ZNF865: variants seen among roughly 807,000 people sequenced by gnomAD.
The protein encoded by ZNF865 is zinc finger protein 865.
For synonymous variants in ZNF865, 763 were observed against 750.8 expected (o/e 1.02, Z -0.27); for missense variants, 1,311 against 1,593.4 (o/e 0.82, Z 3.02).
intron 1 of ZNF865, among the ~76,000 whole-genome samples, chr19:55,609,732 C>A (rs1234082835): frequency 6.6e-6 from 1 of 152,154 alleles, no homozygotes; most frequent in Non-Finnish European, 1.5e-5. Flanking sequence ...TCAAACTGGT[C>A]AAACAATAAA....
In ZNF865 at chr19:55,615,810, C is replaced by A; in HGVS notation, c.2192C>A (p.Pro731His). 6.6e-7 allele frequency: 1 copy of A among 1,510,150 alleles called. No individual in the cohort carries two copies. Among genetic ancestry groups the A allele is most frequent in the South Asian group, 1.2e-5 (1 of 81,188 alleles). The allele number at this position is 1,510,150 out of a possible 1,614,324, so 93.5% of individuals were successfully genotyped here. A position where few individuals can be genotyped will look rare whatever the true frequency, so the allele number is the denominator to read the frequency against. ...CCCGAGCGCCTGCTCCCGCCCGCAC[C>A]CGGCGGCCTGCAGCCCCCGGACGGC... ...AAPERLLPPA[P>H]GGLQPPDGSS... Residue 731 changes from proline (P) to histidine (H), a missense_variant, in exon 2 of 2, where the codon CCC (proline) becomes CAC (histidine). Physicochemically the swap from Pro to His is moderately conservative, Grantham distance 77 (BLOSUM62 -2). Coordinates refer to ENST00000568956, the MANE Select transcript of ZNF865 (RefSeq NM_001195605.2).
intron 1 of ZNF865, among the ~76,000 whole-genome samples, chr19:55,608,972 C>T (rs1039223319): frequency 2.0e-5 from 3 of 152,140 alleles, no homozygotes; most frequent in Non-Finnish European, 4.4e-5. Flanking sequence ...AGCCTTGCTG[C>T]CTTTCTTCAA....
chr19:55,616,427 T>C lies in ZNF865; in HGVS notation c.2809T>C (p.Cys937Arg). 1 of 1,515,096 alleles carries C rather than the reference T, an allele frequency of 6.6e-7. No individual in the cohort carries two copies. The highest frequency in any genetic ancestry group is 8.8e-7 in the Non-Finnish European group (1 of 1,137,356). 93.9% of individuals were successfully genotyped at this position (1,515,096 alleles called of 1,614,324 possible). A position where few individuals can be genotyped will look rare whatever the true frequency, so the allele number is the denominator to read the frequency against. ...GGCCCGGCCCCAGCGCTGCAGCGCC[T>C]GTGGCAAGACCTTCCGCTACCGCTC... ...AVARPQRCSA[C>R]GKTFRYRSNL... is the part of the protein sequence containing the mutation. Residue 937 changes from cysteine (C) to arginine (R), a missense_variant, in exon 2 of 2, where the codon TGT becomes CGT. Coordinates refer to ENST00000568956, the MANE Select transcript of ZNF865 (RefSeq NM_001195605.2).
chr19:55,605,782 G>T (rs1461450666), intron 1 of ZNF865, 50 bp downstream of exon 1: 3 of 152,228 alleles, frequency 2.0e-5, no homozygotes, highest in Admixed American at 6.5e-5. Flanking sequence ...CGGGGGCGGG[G>T]GGCCCCGCCC....
chr19:55,607,620 T>G (rs1364374523), intron 1 of ZNF865, among the ~76,000 whole-genome samples: 1 of 152,084 alleles, frequency 6.6e-6, no homozygotes, highest in Admixed American at 6.5e-5. Context: ...GATAAAGAGA[T>G]AGACCTGGGG....
In ZNF865 at chr19:55,615,194, C is replaced by T. The variant is rs1206278377; in HGVS notation, c.1576C>T (p.His526Tyr). 16 of 1,411,704 alleles carry T rather than the reference C, an allele frequency of 1.1e-5. No individual in the cohort carries two copies. Among genetic ancestry groups the T allele is most frequent in the East Asian group, 3.0e-5 (1 of 33,544 alleles). The allele number at this position is 1,411,704 out of a possible 1,614,324, so 87.4% of individuals were successfully genotyped here. The change falls in exon 2 of 2, where the codon CAC (histidine) becomes TAC (tyrosine). Residue 526 changes from histidine to tyrosine, a missense_variant. Physicochemically the swap from His to Tyr is moderately conservative, Grantham distance 83. Coordinates refer to ENST00000568956, the MANE Select transcript of ZNF865 (RefSeq NM_001195605.2). ...TGTGCCCGTCCCGCTCCTGGGCGCCCACCCGCTGCTGCTCGGCGGCGCGGG... is the reference window on the plus strand; with the variant it reads ...TGTGCCCGTCCCGCTCCTGGGCGCCTACCCGCTGCTGCTCGGCGGCGCGGG... ...GAVPVPLLGA[H>Y]PLLLGGAGTS...
At position 55,613,611 on chromosome 19, in the gene ZNF865, C is replaced by T. The variant is rs530298924; in HGVS notation, c.-8C>T. On this transcript the variant is annotated 5_prime_UTR_variant, in exon 2 of 2. Transcript: ENST00000568956. ...TTCACAGGGTCTCCCGTCTCCCACC[C>T]GCCGGAGATGGAGGCGAACCCAGCG... 624 of 1,507,360 alleles carry T rather than the reference C, an allele frequency of 4.1e-4. No individual in the cohort carries two copies. The highest frequency in any genetic ancestry group is 5.0e-4 in the Non-Finnish European group (566 of 1,132,694). The allele number at this position is 1,507,360 out of a possible 1,614,324, so 93.4% of individuals were successfully genotyped here. A position where few individuals can be genotyped will look rare whatever the true frequency, so the allele number is the denominator to read the frequency against.
rs1220375983 is a variant in ZNF865 at position 55,611,044 on chromosome 19, C to A, written c.-26-2549C>A. ...ACCTTTGTTCACTCGGGGAACAGCCCAGTGAAACACTGCTGTGGGGGCAAG... is the reference window on the plus strand; with the variant it reads ...ACCTTTGTTCACTCGGGGAACAGCCAAGTGAAACACTGCTGTGGGGGCAAG... On this transcript the variant is annotated intron_variant, in intron 1 of 1. Transcript: ENST00000568956. The surrounding 1 kb of genome is among the most constrained non-coding windows in gnomAD (Gnocchi z 4.5). Among the ~76,000 whole-genome samples the A allele has an allele frequency of 3.3e-5, 5 of 152,184 alleles. No homozygotes were observed. Among genetic ancestry groups the A allele is most frequent in the Admixed American group, 3.3e-4 (5 of 15,280 alleles).
Position 55,615,107 on chromosome 19 carries a change from G to T in ZNF865, c.1489G>T (p.Asp497Tyr). The T allele has an allele frequency of 2.6e-6, 1 of 385,824 alleles. No homozygotes were observed. 23.9% of individuals were successfully genotyped at this position (385,824 alleles called of 1,614,324 possible). A position where few individuals can be genotyped will look rare whatever the true frequency, so the allele number is the denominator to read the frequency against. The change falls in exon 2 of 2, where the codon GAC (aspartate) becomes TAC (tyrosine). Residue 497 changes from aspartate to tyrosine, a missense_variant. Coordinates refer to ENST00000568956, the MANE Select transcript of ZNF865 (RefSeq NM_001195605.2). ...CCCGGGCCCGTACCTCCTGCCCCCC[G>T]ACCCTCCCACCACAGACAGCGAGAA... ...FPPGPYLLPP[D>Y]PPTTDSEKAA...
Position 55,615,827 on chromosome 19 carries a change from C to T in ZNF865, c.2209C>T (p.Pro737Ser). 1.3e-6 allele frequency: 2 copies of T among 1,508,000 alleles called. No homozygotes were observed. The highest frequency in any genetic ancestry group is 2.1e-5 in the Admixed American group (1 of 46,960). The allele number at this position is 1,508,000 out of a possible 1,614,324, so 93.4% of individuals were successfully genotyped here. A position where few individuals can be genotyped will look rare whatever the true frequency, so the allele number is the denominator to read the frequency against. The change falls in exon 2 of 2, where the codon CCG becomes TCG. Residue 737 changes from proline (P) to serine (S), a missense_variant. By Grantham distance (74) the Pro-to-Ser change is moderately conservative (BLOSUM62 -1). Coordinates refer to ENST00000568956, the MANE Select transcript of ZNF865 (RefSeq NM_001195605.2). ...GCCCGCACCCGGCGGCCTGCAGCCCCCGGACGGCTCCAGCGGCACGGATGC... is the reference window on the plus strand; with the variant it reads ...GCCCGCACCCGGCGGCCTGCAGCCCTCGGACGGCTCCAGCGGCACGGATGC... ...LPPAPGGLQP[P>S]DGSSGTDAAS...
At chr19:55,606,690 T>A (rs778432214) in intron 1 of ZNF865, among the ~76,000 whole-genome samples, 2 of 152,272 alleles carry the variant, frequency 1.3e-5, no homozygotes, top group Non-Finnish European at 2.9e-5. Context: ...CACTAGGGTG[T>A]GACTTCTTTT....
At chr19:55,606,356 AC>A (rs138216369) in intron 1 of ZNF865, among the ~76,000 whole-genome samples, 2,758 of 150,272 alleles carry the variant, frequency 0.018, 85 homozygotes, top group African/African-American at 0.063. Context: ...TTTCAAAGCC[AC>A]CCCCCCATCG....
chr19:55,612,362 G>A (rs2123588204), intron 1 of ZNF865: 1 of 152,240 alleles, frequency 6.6e-6, no homozygotes, highest in African/African-American at 2.4e-5. Flanking sequence ...TCCCAGGCAA[G>A]CAAATTCTCC....
chr19:55,617,080 G>T lies in ZNF865; in HGVS notation c.*282G>T. 1 of 344,416 alleles carries T rather than the reference G, an allele frequency of 2.9e-6. No homozygotes were observed. The highest frequency in any genetic ancestry group is 2.1e-5 in the African/African-American group (1 of 47,016). The allele number at this position is 344,416 out of a possible 1,614,324, so 21.3% of individuals were successfully genotyped here. ...CCGCCCCAGCAGCACTCTGCCCCCA[G>T]TAAGTTTTGGCGGAGATGGGTCTGA... On this transcript the variant is annotated 3_prime_UTR_variant, in exon 2 of 2. Transcript: ENST00000568956.
Position 55,615,085 on chromosome 19 carries a change from G to T in ZNF865, c.1467G>T (p.Pro489=). The part of the protein sequence containing the change: ...SAPQPPPTFP[P]GPYLLPPDPP... ...CGCAGCCCCCGCCCACCTTCCCCCC[G>T]GGCCCGTACCTCCTGCCCCCCGACC... The change falls in exon 2 of 2, where the codon CCG becomes CCT. Residue 489 remains proline, a synonymous_variant. Coordinates refer to ENST00000568956, the MANE Select transcript of ZNF865 (RefSeq NM_001195605.2). 1 of 263,038 alleles carries T rather than the reference G, an allele frequency of 3.8e-6. No individual in the cohort carries two copies. The highest frequency in any genetic ancestry group is 7.9e-5 in the South Asian group (1 of 12,642). 16.3% of individuals were successfully genotyped at this position (263,038 alleles called of 1,614,324 possible).
chr19:55,614,647 C>G lies in ZNF865; in HGVS notation c.1029C>G (p.Thr343=), dbSNP rs1199417137. 2.6e-6 allele frequency: 4 copies of G among 1,536,414 alleles called. No homozygotes were observed. The part of the protein sequence containing the change: ...PAGVGVPPPA[T]GGGDGPFACP... ...GTGTTGGGGTGCCCCCTCCTGCCAC[C>G]GGGGGTGGCGATGGCCCGTTCGCCT... The change falls in exon 2 of 2, where the codon ACC becomes ACG. Residue 343 remains threonine (T), a synonymous_variant. Coordinates refer to ENST00000568956, the MANE Select transcript of ZNF865 (RefSeq NM_001195605.2). This position sits in a 1 kb window ranked among gnomAD's most constrained non-coding sequence, Gnocchi z 8.0.
rs1457141576 is a variant in ZNF865, at chr19:55,614,532, C to T, written c.914C>T (p.Thr305Ile). ...GLPAPAASAA[T>I]AAAPSTVSSG... Reference sequence around the variant, plus strand: ...CCAGCACCCGCTGCCAGCGCCGCCACCGCCGCCGCCCCCTCCACGGTGTCC... The same window carrying T: ...CCAGCACCCGCTGCCAGCGCCGCCATCGCCGCCGCCCCCTCCACGGTGTCC... Residue 305 changes from threonine (T) to isoleucine (I), a missense_variant, in exon 2 of 2, where the codon ACC (threonine) becomes ATC (isoleucine). Coordinates refer to ENST00000568956, the MANE Select transcript of ZNF865 (RefSeq NM_001195605.2). This position sits in a 1 kb window ranked among gnomAD's most constrained non-coding sequence, Gnocchi z 8.0. 5.9e-6 allele frequency: 8 copies of T among 1,360,448 alleles called. No homozygotes were observed. The East Asian group carries it at 2.5e-4, about 43-fold the overall frequency. 84.3% of individuals were successfully genotyped at this position (1,360,448 alleles called of 1,614,324 possible). A position where few individuals can be genotyped will look rare whatever the true frequency, so the allele number is the denominator to read the frequency against.
rs1406002019 is a variant in ZNF865, at chr19:55,615,442, C to T, written c.1824C>T (p.Cys608=). ...VVHTRERPYK[C]ELCGKVFGYP... ...ACACGCGCGAGCGGCCCTACAAGTG[C>T]GAGCTCTGCGGCAAGGTCTTCGGCT... is the stretch of plus-strand genomic sequence containing the variant. The change falls in exon 2 of 2, where the codon TGC becomes TGT. Residue 608 remains cysteine (C), a synonymous_variant. Coordinates refer to ENST00000568956, the MANE Select transcript of ZNF865 (RefSeq NM_001195605.2). 4.0e-6 allele frequency: 6 copies of T among 1,497,248 alleles called. No homozygotes were observed. Among genetic ancestry groups the T allele is most frequent in the Admixed American group, 2.2e-5 (1 of 44,904 alleles). The allele number at this position is 1,497,248 out of a possible 1,614,324, so 92.7% of individuals were successfully genotyped here.
At chr19:55,613,464 T>C (rs1981209978) in intron 1 of ZNF865, 129 bp from the exon 2 acceptor site, 3 of 877,428 alleles carry the variant, frequency 3.4e-6, no homozygotes, top group Admixed American at 3.3e-5. Flanking sequence ...GCAGAGGGAC[T>C]GGAAGCCTAA....
Sources: gnomAD v4.1 joint callset for allele counts (sites outside exome capture counted in the v4.1 genomes callset) on GRCh38, gnomAD v4.1.1 for gene constraint, Gnocchi (gnomAD v3.1) non-coding constraint, MANE v1.5 for transcripts, NCBI Gene and HGNC (gene_info 2026-07-23, HGNC 2026-07-21) for gene names.